The following FREM1 variants were observed in gnomAD, a reference collection of about 807,000 sequenced individuals.
FREM1 encodes the protein FRAS1 related extracellular matrix 1.
FREM1 carries 220 observed loss-of-function variants against 210.1 expected under a neutral mutation model. The observed-to-expected ratio is 1.05, with a 90% CI of 0.94 to 1.17. The LOEUF (loss-of-function observed/expected upper bound fraction) is 1.17, where lower values mean the gene tolerates loss of function less well. Ranked by LOEUF, FREM1 falls within the 50% of genes most tolerant of loss-of-function variation. The pLI is 0.00. For synonymous variants in FREM1, 1,189 were observed against 980.2 expected (o/e 1.21, Z -3.98); for missense variants, 3,454 against 2,675.5 (o/e 1.29, Z -6.42).
chr9:14,815,926 G>C lies in FREM1; in HGVS notation c.2640+852C>G, dbSNP rs140635681. ...GCATCCCAAAGTGCTGGGATTACAG[G>C]TGTGAGCCACCTTGCCCGCTCTGCA... On this transcript the variant is annotated intron_variant, in intron 15 of 36. Transcript: ENST00000380880. Among the ~76,000 whole-genome samples the C allele has an allele frequency of 4.7e-3, 717 of 152,268 alleles. 4 individuals are homozygous for C. The highest frequency in any genetic ancestry group is 0.016 in the African/African-American group (672 of 41,544).
Position 14,861,020 on chromosome 9 carries a change from CACATATAT to C in FREM1, c.330-1544_330-1537del, listed in dbSNP as rs199934343. On this transcript the variant is annotated intron_variant, in intron 3 of 36. Transcript: ENST00000380880. ...ATATATACACATATATACATATATA[CACATATAT>C]ACATATATACATATATACATATATA... 4.9e-3 allele frequency among the ~76,000 whole-genome samples: 496 copies of C among 101,492 alleles called. 73 individuals are homozygous for C. Among genetic ancestry groups the C allele is most frequent in the African/African-American group, 9.5e-3 (191 of 20,106 alleles). The allele number at this position is 101,492 out of a possible 152,430, so 66.6% of individuals were successfully genotyped here. A position where few individuals can be genotyped will look rare whatever the true frequency, so the allele number is the denominator to read the frequency against.
At chr9:14,871,268 C>T (rs891923766) in intron 1 of FREM1, among the ~76,000 whole-genome samples, 4 of 152,184 alleles carry the variant, frequency 2.6e-5, no homozygotes, top group Non-Finnish European at 5.9e-5. Flanking sequence ...TACAGTCCTA[C>T]CAACAGTGTA....
At chr9:14,804,448 G>A (rs534305375) in intron 19 of FREM1, among the ~76,000 whole-genome samples, 1 of 152,306 alleles carries the variant, frequency 6.6e-6, no homozygotes, top group South Asian at 2.1e-4. Flanking sequence ...AGCCGGGCGT[G>A]GTGGCGGGCA....
intron 23 of FREM1, among the ~76,000 whole-genome samples, chr9:14,786,398 A>G (rs1211194655): frequency 6.6e-6 from 1 of 152,216 alleles, no homozygotes. Context: ...TTCTGAACTT[A>G]AAAACACAGT....
intron 24 of FREM1, among the ~76,000 whole-genome samples, chr9:14,778,286 G>T (rs1848965431): frequency 1.3e-5 from 2 of 151,882 alleles, no homozygotes; most frequent in Non-Finnish European, 2.9e-5. Context: ...ACTGGATCAT[G>T]AGGCATTTAT....
intron 22 of FREM1, among the ~76,000 whole-genome samples, chr9:14,792,048 T>C (rs1272581423): frequency 1.3e-5 from 2 of 152,262 alleles, no homozygotes; most frequent in East Asian, 3.9e-4. Flanking sequence ...TTTCACCACG[T>C]TGGCCAGGAT....
Position 14,891,499 on chromosome 9 carries a change from G to C in FREM1, c.-268+18415C>G, listed in dbSNP as rs183584592. 1.8e-3 allele frequency among the ~76,000 whole-genome samples: 278 copies of C among 152,344 alleles called. 3 individuals carry two copies. Among genetic ancestry groups the C allele is most frequent in the East Asian group, 9.6e-4 (5 of 5,182 alleles). ...CCTAGCAACTGGGGAGGCTGAGGCAGGAGGATTGCTTGAGCCAGGGAGCTC... is the reference window on the plus strand; with the variant it reads ...CCTAGCAACTGGGGAGGCTGAGGCACGAGGATTGCTTGAGCCAGGGAGCTC... On this transcript the variant is annotated intron_variant, in intron 1 of 36. Transcript: ENST00000380880.
chr9:14,748,569 C>T lies in FREM1; in HGVS notation c.5628G>A (p.Leu1876=). The change falls in exon 31 of 37, where the codon CTG becomes CTA. Residue 1876 remains leucine (L), a synonymous_variant. Coordinates refer to ENST00000380880, the MANE Select transcript of FREM1 (RefSeq NM_001379081.2). ...HSTWEKGIWH[L]LPPGSSSSTT... is the part of the protein sequence containing the mutation. ...TGGATGAGGAAGACCCTGGGGGCAG[C>T]AGATGCCAAATGCCCTTCTCCCATG... 6.2e-7 allele frequency: 1 copy of T among 1,613,870 alleles called. No homozygotes were observed. The highest frequency in any genetic ancestry group is 1.6e-4 in the Middle Eastern group (1 of 6,062).
At chr9:14,748,127 G>T (rs1842783002) in intron 31 of FREM1, among the ~76,000 whole-genome samples, 1 of 152,126 alleles carries the variant, frequency 6.6e-6, no homozygotes, top group Non-Finnish European at 1.5e-5. Flanking sequence ...CAGGGTCATG[G>T]ATCATTCCCT....
At chr9:14,810,493 C>G (rs1418219894) in intron 16 of FREM1, among the ~76,000 whole-genome samples, 2 of 152,006 alleles carry the variant, frequency 1.3e-5, no homozygotes, top group Non-Finnish European at 2.9e-5. Context: ...ACTCTGCTGC[C>G]CAGGTTGGAG....
intron 2 of FREM1, among the ~76,000 whole-genome samples, chr9:14,864,662 C>T (rs932258046): frequency 2.6e-5 from 4 of 152,130 alleles, no homozygotes; most frequent in Middle Eastern, 3.2e-3. Context: ...ATCATCTCTC[C>T]CACCCATATC....
Position 14,805,117 on chromosome 9 carries a change from T to G in FREM1, c.3310A>C (p.Ile1104Leu), listed in dbSNP as rs1279425098. The change falls in exon 19 of 37, where the codon ATT (isoleucine) becomes CTT (leucine). Residue 1104 changes from isoleucine to leucine, a missense_variant. Physicochemically the swap from Ile to Leu is conservative, Grantham distance 5 (BLOSUM62 2). Coordinates refer to ENST00000380880, the MANE Select transcript of FREM1 (RefSeq NM_001379081.2). ...AGATGCCTGGACTGCACATAGTTAA[T>G]GTGAAAAGCGTTCATGTCTTTCCAC... The part of the protein sequence containing the change: ...FQWKDMNAFH[I>L]NYVQSRHLRI... 9 of 1,595,358 alleles carry G rather than the reference T, an allele frequency of 5.6e-6. No individual in the cohort carries two copies. In the South Asian group the frequency reaches 9.1e-5, roughly 16 times the overall value.
intron 13 of FREM1, among the ~76,000 whole-genome samples, chr9:14,822,874 G>A (rs1416595708): frequency 6.6e-6 from 1 of 152,122 alleles, no homozygotes; most frequent in Non-Finnish European, 1.5e-5. Context: ...ATCAACACGT[G>A]AAACTCAGCA....
Position 14,744,731 on chromosome 9 carries a change from T to C in FREM1, c.6254+1622A>G, listed in dbSNP as rs186159739. Among the ~76,000 whole-genome samples the C allele has an allele frequency of 5.0e-4, 76 of 152,334 alleles. 3 individuals carry two copies. In the South Asian group the frequency reaches 0.015, roughly 30 times the overall value. On this transcript the variant is annotated intron_variant, in intron 35 of 36. Transcript: ENST00000380880. ...ACATTTTTATGAAGCTTTTTTAGTATGTATTTTTATTTCTTTTAGTTAAAT... is the reference window on the plus strand; with the variant it reads ...ACATTTTTATGAAGCTTTTTTAGTACGTATTTTTATTTCTTTTAGTTAAAT...
At chr9:14,744,105 AC>A (rs1842017437) in intron 35 of FREM1, among the ~76,000 whole-genome samples, 1 of 152,070 alleles carries the variant, frequency 6.6e-6, no homozygotes, top group Admixed American at 6.6e-5. Flanking sequence ...CAACTTATCA[AC>A]CAAAAAAACC....
chr9:14,741,896 G>C (rs543823475), intron 35 of FREM1, among the ~76,000 whole-genome samples: 63 of 152,218 alleles, frequency 4.1e-4, no homozygotes, highest in African/African-American at 1.5e-3. Flanking sequence ...AACAAACTTG[G>C]TAAAATCCAT....
chr9:14,834,496 A>G lies in FREM1; in HGVS notation c.1881+6951T>C, dbSNP rs187376928. Among the ~76,000 whole-genome samples, 35 of 152,348 alleles carry G rather than the reference A, an allele frequency of 2.3e-4. No individual in the cohort carries two copies. The East Asian group carries it at 6.2e-3, about 27-fold the overall frequency. On this transcript the variant is annotated intron_variant, in intron 10 of 36. Coordinates refer to ENST00000380880, the MANE Select transcript of FREM1 (RefSeq NM_001379081.2). ...ATAATCTATAAGGTTTCACTTGAAC[A>G]AATAAACTAATGCAAGGGTAAAATT...
chr9:14,765,789 G>T (rs764324534), intron 27 of FREM1, among the ~76,000 whole-genome samples: 2 of 152,170 alleles, frequency 1.3e-5, no homozygotes, highest in African/African-American at 2.4e-5. Flanking sequence ...GTGCAGAACC[G>T]GAGAAACAGT....
intron 1 of FREM1, among the ~76,000 whole-genome samples, chr9:14,900,731 G>A (rs1838640705): frequency 6.6e-6 from 1 of 152,208 alleles, no homozygotes; most frequent in Admixed American, 6.5e-5. Flanking sequence ...TGGAAAGCCA[G>A]TCCCATGTGT....
Sources: gnomAD v4.1 joint callset for allele counts (sites outside exome capture counted in the v4.1 genomes callset) on GRCh38, gnomAD v4.1.1 for gene constraint, MANE v1.5 for transcripts, NCBI Gene and HGNC (gene_info 2026-07-23, HGNC 2026-07-21) for gene names.